The following SEMA3C variants were observed in gnomAD, a reference collection of about 807,000 sequenced individuals.
SEMA3C encodes semaphorin 3C, also known as semaphorin-3C.
SEMA3C carries 47 observed loss-of-function variants against 89.4 expected under a neutral mutation model. That is an observed-to-expected ratio of 0.53 (90% CI 0.42 to 0.67). The LOEUF (loss-of-function observed/expected upper bound fraction) is 0.67. Among genes scored for constraint, SEMA3C ranks in the 30% least tolerant of loss-of-function variants. SEMA3C has a pLI of 0.00. For missense variants in SEMA3C, 839 were observed against 929.1 expected (o/e 0.90, Z 1.26); for synonymous variants, 310 against 320.2 (o/e 0.97, Z 0.34).
chr7:80,826,281 C>A (rs1789871361), intron 4 of SEMA3C, among the ~76,000 whole-genome samples: 1 of 152,138 alleles, frequency 6.6e-6, no homozygotes, highest in Non-Finnish European at 1.5e-5. Flanking sequence ...GTCTTCACTC[C>A]TGAAATCAGC....
chr7:80,827,720 T>C (rs987860539), intron 3 of SEMA3C, among the ~76,000 whole-genome samples: 1 of 152,154 alleles, frequency 6.6e-6, no homozygotes, highest in Non-Finnish European at 1.5e-5. Flanking sequence ...ATAACATATG[T>C]TCATTTACTA....
intron 2 of SEMA3C, among the ~76,000 whole-genome samples, chr7:80,871,337 CTTTAA>C (rs1791053582): frequency 6.6e-6 from 1 of 152,134 alleles, no homozygotes; most frequent in South Asian, 2.1e-4. Flanking sequence ...GCCTAGAGAC[CTTTAA>C]TTTTTCTGCC....
At chr7:80,909,585 T>C (rs1238711309) in intron 2 of SEMA3C, among the ~76,000 whole-genome samples, 3 of 152,160 alleles carry the variant, frequency 2.0e-5, no homozygotes, top group Non-Finnish European at 2.9e-5. Flanking sequence ...GCATTTTCAG[T>C]GGCATCAGTT....
At chr7:80,827,296 C>T in intron 4 of SEMA3C, 129 bp downstream of exon 4, 1 of 925,764 alleles carries the variant, frequency 1.1e-6, no homozygotes. Context: ...AGGTTTTTAG[C>T]CTGTGTCCAG....
At chr7:80,802,506 T>A (rs1434309861) in intron 9 of SEMA3C, among the ~76,000 whole-genome samples, 159 bp downstream of exon 9, 1 of 152,142 alleles carries the variant, frequency 6.6e-6, no homozygotes, top group Non-Finnish European at 1.5e-5. Context: ...TACAAAATAC[T>A]TAAGAAAATT....
chr7:80,873,019 G>A (rs1403469409), intron 2 of SEMA3C, among the ~76,000 whole-genome samples: 1 of 151,904 alleles, frequency 6.6e-6, no homozygotes, highest in East Asian at 1.9e-4. Context: ...GGGGCTTCAG[G>A]GATCCCCAGA....
chr7:80,917,410 T>C (rs1792304208), intron 1 of SEMA3C, among the ~76,000 whole-genome samples: 1 of 152,238 alleles, frequency 6.6e-6, no homozygotes, highest in African/African-American at 2.4e-5. Context: ...AACAGGCAGT[T>C]GTTAAATGAT....
rs1789447409 is a variant in SEMA3C, at chr7:80,810,670, T to A, written c.479A>T (p.Glu160Val). 1.2e-6 allele frequency: 2 copies of A among 1,613,776 alleles called. No homozygotes were observed. Among genetic ancestry groups the A allele is most frequent in the East Asian group, 4.5e-5 (2 of 44,858 alleles). Residue 160 changes from glutamate (E) to valine (V), a missense_variant, in exon 6 of 18, where the codon GAA becomes GTA. By Grantham distance (121) the Glu-to-Val change is moderately radical (BLOSUM62 -2). Transcript: ENST00000265361. The stretch of plus-strand genomic sequence containing the variant: ...GAAAGAGCAGCGTCCTTTTCCAGAT[T>A]CACACTTGGAGTCAATCATGAAAAC... ...DQVFMIDSKC[E>V]SGKGRCSFNP...
chr7:80,900,757 C>T (rs913270314), intron 2 of SEMA3C, among the ~76,000 whole-genome samples: 5 of 152,164 alleles, frequency 3.3e-5, no homozygotes, highest in African/African-American at 4.8e-5. Context: ...GCCTGTAAAT[C>T]GTGCACAGAC....
At chr7:80,891,617 CAATT>C (rs1367997557) in intron 2 of SEMA3C, among the ~76,000 whole-genome samples, 7 of 151,476 alleles carry the variant, frequency 4.6e-5, no homozygotes, top group Admixed American at 1.3e-4. Context: ...TGGGAAATAT[CAATT>C]AATTAAAAAA....
At chr7:80,757,748 A>G (rs1788096937) in intron 15 of SEMA3C, among the ~76,000 whole-genome samples, 1 of 152,166 alleles carries the variant, frequency 6.6e-6, no homozygotes, top group African/African-American at 2.4e-5. Flanking sequence ...AGGCAGGTGG[A>G]TCACGAGGTC....
At chr7:80,826,108 G>A (rs1251576256) in intron 4 of SEMA3C, among the ~76,000 whole-genome samples, 1 of 152,090 alleles carries the variant, frequency 6.6e-6, no homozygotes, top group Non-Finnish European at 1.5e-5. Context: ...CCATGGCCCT[G>A]CCTTGAGCCA....
chr7:80,744,861 T>C lies in SEMA3C; in HGVS notation c.*33A>G. The C allele has an allele frequency of 6.2e-7, 1 of 1,610,476 alleles. No individual in the cohort carries two copies. ...TTGATCATTGAAGACAGAGCATTTG[T>C]TAATGGAAGCATAAGACCCACATAA... On this transcript the variant is annotated 3_prime_UTR_variant, in exon 18 of 18. Transcript: ENST00000265361.
chr7:80,870,820 G>A lies in SEMA3C; in HGVS notation c.104-42075C>T, dbSNP rs1385799968. On this transcript the variant is annotated intron_variant, in intron 2 of 17. Coordinates refer to ENST00000265361, the MANE Select transcript of SEMA3C (RefSeq NM_006379.5). ...AGACACTTTAAAGAAAGTCTCTCTA[G>A]AGGTAGAGTTTAGACACTTGTGCCT... is the stretch of plus-strand genomic sequence containing the variant. Among the ~76,000 whole-genome samples, 4 of 152,184 alleles carry A rather than the reference G, an allele frequency of 2.6e-5. No individual in the cohort carries two copies. In the South Asian group the frequency reaches 8.3e-4, roughly 31 times the overall value.
At chr7:80,780,020 A>G (rs1788656539) in intron 12 of SEMA3C, among the ~76,000 whole-genome samples, 1 of 152,318 alleles carries the variant, frequency 6.6e-6, no homozygotes, top group East Asian at 1.9e-4. Context: ...AAAACAATGC[A>G]GCCTGGCTAA....
At chr7:80,774,988 G>C (rs972466169) in intron 12 of SEMA3C, among the ~76,000 whole-genome samples, 2 of 151,856 alleles carry the variant, frequency 1.3e-5, no homozygotes, top group African/African-American at 4.8e-5. Context: ...CATTGTCATG[G>C]GAACAAGGAA....
intron 2 of SEMA3C, among the ~76,000 whole-genome samples, chr7:80,892,836 C>T (rs1389745455): frequency 6.6e-6 from 1 of 152,038 alleles, no homozygotes; most frequent in East Asian, 1.9e-4. Context: ...TTTTTTCCTT[C>T]ATTTTTCATG....
intron 11 of SEMA3C, among the ~76,000 whole-genome samples, chr7:80,792,275 C>A (rs760531642): frequency 1.3e-5 from 2 of 152,156 alleles, no homozygotes; most frequent in Non-Finnish European, 2.9e-5. Context: ...GTTTTCTAGC[C>A]TCAATCTTCA....
At chr7:80,751,226 T>C (rs376007878) in intron 16 of SEMA3C, 43 bp downstream of exon 16, 37 of 1,473,894 alleles carry the variant, frequency 2.5e-5, no homozygotes, top group African/African-American at 2.8e-5. Context: ...ATACGGAGCA[T>C]TGCTACTGTT....
Sources: allele counts gnomAD v4.1 joint callset (sites outside exome capture counted in the v4.1 genomes callset), GRCh38; gene constraint gnomAD v4.1.1; transcripts MANE v1.5; gene names NCBI Gene and HGNC (gene_info 2026-07-23, HGNC 2026-07-21).